The following CCDC180 variants were observed in gnomAD, a reference collection of about 807,000 sequenced individuals.
CCDC180 encodes coiled-coil domain-containing protein 180.
Under a neutral mutation model 209.2 loss-of-function variants are expected in CCDC180, and 154 were observed. The observed-to-expected ratio is 0.74, with a 90% CI of 0.65 to 0.84. CCDC180 has a LOEUF of 0.84. CCDC180 is among the 40% of genes least tolerant of loss of function. The pLI, the probability that CCDC180 is intolerant of heterozygous loss-of-function variation, is 0.00. For synonymous variants in CCDC180, 778 were observed against 749.1 expected (o/e 1.04, Z -0.63); for missense variants, 1,874 against 1,997.3 (o/e 0.94, Z 1.18).
intron 26 of CCDC180, among the ~76,000 whole-genome samples, chr9:97,360,715 TG>T (rs1300846811): frequency 2.6e-5 from 4 of 152,234 alleles, no homozygotes; most frequent in African/African-American, 9.6e-5. Flanking sequence ...CCTCCTGGTC[TG>T]GGTCGGGGTC....
Position 97,309,470 on chromosome 9 carries a change from G to A in CCDC180, c.126G>A (p.Val42=), listed in dbSNP as rs1324475486. The change falls in exon 3 of 37, where the codon GTG becomes GTA. Residue 42 remains valine (V), a synonymous_variant. Transcript: ENST00000529487. The part of the protein sequence containing the change: ...ATRKRAAERS[V]TLKSGRIPMM... ...GGAAGCGGGCTGCAGAGCGTTCTGTGACCCTGAAGAGTGGCAGGATACCCA... is the reference window on the plus strand; with the variant it reads ...GGAAGCGGGCTGCAGAGCGTTCTGTAACCCTGAAGAGTGGCAGGATACCCA... The A allele has an allele frequency of 6.2e-7, 1 of 1,606,956 alleles. No individual in the cohort carries two copies. Among genetic ancestry groups the A allele is most frequent in the Admixed American group, 1.7e-5 (1 of 58,944 alleles).
Position 97,378,381 on chromosome 9 carries a change from G to C in CCDC180, c.*1487G>C, listed in dbSNP as rs1004493567. On this transcript the variant is annotated 3_prime_UTR_variant, in exon 37 of 37. Coordinates refer to ENST00000529487, the MANE Select transcript of CCDC180 (RefSeq NM_020893.6). ...TCCTTCAGTATTCATTTACATCATT[G>C]GTTTTCATACTTTTCTGACTCTGAC... 6.6e-6 allele frequency: 1 copy of C among 152,092 alleles called. No homozygotes were observed. The highest frequency in any genetic ancestry group is 2.4e-5 in the African/African-American group (1 of 41,404). The allele number at this position is 152,092 out of a possible 1,614,324, so 9.4% of individuals were successfully genotyped here. A position where few individuals can be genotyped will look rare whatever the true frequency, so the allele number is the denominator to read the frequency against.
intron 26 of CCDC180, among the ~76,000 whole-genome samples, chr9:97,360,515 C>G (rs1048033690): frequency 2.0e-5 from 3 of 152,166 alleles, no homozygotes; most frequent in Non-Finnish European, 4.4e-5. Context: ...CCCACATCCT[C>G]TCACATCTCC....
chr9:97,320,800 C>A (rs1389951140), intron 11 of CCDC180, among the ~76,000 whole-genome samples: 1 of 152,138 alleles, frequency 6.6e-6, no homozygotes, highest in Admixed American at 6.5e-5. Flanking sequence ...TGTTGTTAGA[C>A]CCCCAACTGC....
intron 18 of CCDC180, among the ~76,000 whole-genome samples, chr9:97,336,080 C>G (rs1825895986): frequency 6.6e-6 from 1 of 152,044 alleles, no homozygotes; most frequent in African/African-American, 2.4e-5. Context: ...GGATATTAGC[C>G]CTTTGTCAGA....
intron 15 of CCDC180, among the ~76,000 whole-genome samples, chr9:97,327,174 C>G (rs777934307): frequency 6.7e-6 from 1 of 150,098 alleles, no homozygotes; most frequent in Non-Finnish European, 1.5e-5. Flanking sequence ...GTCTCAAAAA[C>G]AAAAAAAAAT....
intron 24 of CCDC180, among the ~76,000 whole-genome samples, chr9:97,355,622 TTAGG>T (rs1826560022): frequency 6.6e-6 from 1 of 152,170 alleles, no homozygotes; most frequent in African/African-American, 2.4e-5. Flanking sequence ...TTTTAGTGAC[TTAGG>T]TAGGAACACA....
intron 10 of CCDC180, among the ~76,000 whole-genome samples, chr9:97,319,826 C>A (rs543829306): frequency 6.8e-4 from 104 of 152,294 alleles, no homozygotes; most frequent in Non-Finnish European, 7.2e-4. Context: ...ATAATGCCAT[C>A]TCAGATTAAG....
At chr9:97,363,942 C>A in intron 28 of CCDC180, 109 bp from the exon 29 acceptor site, 1 of 1,029,934 alleles carries the variant, frequency 9.7e-7, no homozygotes, top group Non-Finnish European at 1.5e-6. Context: ...TCCGGTTGCC[C>A]ACGGGCAGGC....
intron 14 of CCDC180, 63 bp downstream of exon 14, chr9:97,325,255 C>G (rs1833495510): frequency 1.3e-6 from 2 of 1,496,138 alleles, no homozygotes; most frequent in African/African-American, 1.4e-5. Flanking sequence ...CAAACAGATC[C>G]TTGACCCAAA....
rs991781405 is a variant in CCDC180 at position 97,343,411 on chromosome 9, A to T, written c.2346A>T (p.Gly782=). The change falls in exon 19 of 37, where the codon GGA becomes GGT. Residue 782 remains glycine (G), a synonymous_variant. Coordinates refer to ENST00000529487, the MANE Select transcript of CCDC180 (RefSeq NM_020893.6). ...TGGAGTCCTTCACAATCTCCAGTGG[A>T]AACACTTATTTTGTCTTTGTACCCC... ...EDMESFTISS[G]NTYFVFVPLE... 6.2e-7 allele frequency: 1 copy of T among 1,613,926 alleles called. No individual in the cohort carries two copies. Among genetic ancestry groups the T allele is most frequent in the Admixed American group, 1.7e-5 (1 of 60,016 alleles).
chr9:97,374,809 T>TA (rs1827199856), intron 35 of CCDC180, among the ~76,000 whole-genome samples, 161 bp downstream of exon 35: 1 of 152,212 alleles, frequency 6.6e-6, no homozygotes, highest in Admixed American at 6.5e-5. Context: ...CATGGCCACT[T>TA]ACCTTGATAT....
intron 20 of CCDC180, among the ~76,000 whole-genome samples, chr9:97,348,348 G>T (rs1159899052): frequency 2.6e-5 from 4 of 152,142 alleles, no homozygotes; most frequent in Non-Finnish European, 5.9e-5. Flanking sequence ...GAACCTCATT[G>T]TTCTCATCTG....
At position 97,314,433 on chromosome 9, in the gene CCDC180, T is replaced by G. The variant is rs756117210; in HGVS notation, c.500T>G (p.Leu167Trp). The G allele has an allele frequency of 1.2e-6, 2 of 1,614,118 alleles. No individual in the cohort carries two copies. The highest frequency in any genetic ancestry group is 1.7e-6 in the Non-Finnish European group (2 of 1,180,012). The change falls in exon 6 of 37, where the codon TTG becomes TGG. Residue 167 changes from leucine (L) to tryptophan (W), a missense_variant. Leu to Trp is a moderately conservative substitution (Grantham distance 61). Transcript: ENST00000529487. The part of the protein sequence containing the change: ...PLIVDTGGLF[L>W]KKLTESDEEM... ...ATCGTGGACACAGGGGGACTTTTTTTGAAGAAGCTGACTGAGTCTGATGAA... is the reference window on the plus strand; with the variant it reads ...ATCGTGGACACAGGGGGACTTTTTTGGAAGAAGCTGACTGAGTCTGATGAA...
chr9:97,367,306 A>G (rs1029686731), intron 31 of CCDC180, among the ~76,000 whole-genome samples: 2 of 152,112 alleles, frequency 1.3e-5, no homozygotes, highest in Non-Finnish European at 2.9e-5. Flanking sequence ...GTATGAATCT[A>G]TCACACTTTG....
chr9:97,377,040 A>G lies in CCDC180; in HGVS notation c.*146A>G. The G allele has an allele frequency of 1.2e-6, 1 of 865,492 alleles. No homozygotes were observed. Among genetic ancestry groups the G allele is most frequent in the Non-Finnish European group, 1.7e-6 (1 of 594,764 alleles). 53.6% of individuals were successfully genotyped at this position (865,492 alleles called of 1,614,324 possible). ...GGGCACTGTAGCTTTACCAGCGAAC[A>G]GGACACAGCATGGTCCCTGCCCACG... On this transcript the variant is annotated 3_prime_UTR_variant, in exon 37 of 37. Transcript: ENST00000529487.
intron 20 of CCDC180, 100 bp from the exon 21 acceptor site, chr9:97,349,011 G>A: frequency 9.0e-7 from 1 of 1,115,032 alleles, no homozygotes; most frequent in Non-Finnish European, 1.3e-6. Context: ...CTGTTCTGCA[G>A]CTGGCCTGGA....
At chr9:97,367,750 A>G (rs1364956003) in intron 31 of CCDC180, among the ~76,000 whole-genome samples, 1 of 152,180 alleles carries the variant, frequency 6.6e-6, no homozygotes, top group Non-Finnish European at 1.5e-5. Flanking sequence ...CTGGGATTAC[A>G]GACATGAGCC....
intron 10 of CCDC180, among the ~76,000 whole-genome samples, chr9:97,319,126 G>C (rs1425791823): frequency 6.6e-6 from 1 of 152,096 alleles, no homozygotes; most frequent in African/African-American, 2.4e-5. Context: ...CTGGGAGTTG[G>C]CCTGCTTAGT....
Sources: gnomAD v4.1 joint callset for allele counts (sites outside exome capture counted in the v4.1 genomes callset) on GRCh38, gnomAD v4.1.1 for gene constraint, MANE v1.5 for transcripts, NCBI Gene and HGNC (gene_info 2026-07-23, HGNC 2026-07-21) for gene names.